Variants in KDM4C observed in about 807,000 individuals in gnomAD.
The protein encoded by KDM4C is lysine demethylase 4C, also known as lysine-specific demethylase 4C.
A neutral mutation model predicts 129.3 loss-of-function variants in KDM4C; 81 were observed. That is an observed-to-expected ratio of 0.63 (90% CI 0.52 to 0.75). The LOEUF is 0.75. KDM4C is among the 30% of genes least tolerant of loss of function. The pLI, the probability that KDM4C is intolerant of heterozygous loss-of-function variation, is 0.00. For missense variants in KDM4C, 1,457 were observed against 1,304.0 expected (o/e 1.12, Z -1.81); for synonymous variants, 573 against 456.1 (o/e 1.26, Z -3.26).
At chr9:6,842,349 C>T (rs1362106079) in intron 4 of KDM4C, among the ~76,000 whole-genome samples, 2 of 119,386 alleles carry the variant, frequency 1.7e-5, no homozygotes, top group Non-Finnish European at 3.2e-5. Context: ...CGGAGTCTTG[C>T]TCTGTCACCT....
At chr9:6,760,022 G>T (rs1819097645) in intron 1 of KDM4C, among the ~76,000 whole-genome samples, 1 of 151,250 alleles carries the variant, frequency 6.6e-6, no homozygotes, top group African/African-American at 2.4e-5. Flanking sequence ...ATAGTCTTGT[G>T]CAACCATCAC....
At chr9:7,035,754 A>G (rs1290502564) in intron 15 of KDM4C, among the ~76,000 whole-genome samples, 1 of 152,162 alleles carries the variant, frequency 6.6e-6, no homozygotes, top group Non-Finnish European at 1.5e-5. Context: ...TCAATTCCCT[A>G]ACGAGTGTTC....
intron 19 of KDM4C, among the ~76,000 whole-genome samples, chr9:7,160,324 C>G (rs955986396): frequency 5.0e-4 from 76 of 152,280 alleles, no homozygotes; most frequent in Middle Eastern, 3.4e-3. Context: ...CTTCTGAAGC[C>G]TATTCTGTCA....
At position 7,112,100 on chromosome 9, in the gene KDM4C, C is replaced by T. The variant is rs146068214; in HGVS notation, c.2610+8230C>T. Among the ~76,000 whole-genome samples, 32 of 152,024 alleles carry T rather than the reference C, an allele frequency of 2.1e-4. No homozygotes were observed. The East Asian group carries it at 6.0e-3, about 29-fold the overall frequency. On this transcript the variant is annotated intron_variant, in intron 18 of 21. Transcript: ENST00000381309. ...TCATGCTGAGATCAGGCAGGAGAGG[C>T]TATTATTTATCTTGTTTCAAGAGTT... is the stretch of plus-strand genomic sequence containing the variant.
At chr9:6,813,798 G>GT (rs943823632) in intron 3 of KDM4C, among the ~76,000 whole-genome samples, 3 of 152,050 alleles carry the variant, frequency 2.0e-5, no homozygotes, top group Non-Finnish European at 2.9e-5. Context: ...ACAATTACAG[G>GT]TTTTTTAAAC....
intron 8 of KDM4C, among the ~76,000 whole-genome samples, chr9:6,958,687 A>ATTTTTTTTTTTTTTT (rs377187050): frequency 1.9e-3 from 254 of 136,254 alleles, no homozygotes; most frequent in Non-Finnish European, 2.5e-3. Flanking sequence ...TCTTTATATG[A>ATTTTTTTTTTTTTTT]TTTTTTTTTT....
intron 17 of KDM4C, among the ~76,000 whole-genome samples, chr9:7,075,860 TG>T (rs1833850415): frequency 6.6e-6 from 1 of 152,050 alleles, no homozygotes; most frequent in African/African-American, 2.4e-5. Context: ...TCACCCAGGC[TG>T]GAGTGCAGTG....
intron 12 of KDM4C, among the ~76,000 whole-genome samples, chr9:7,004,467 AT>A (rs936269705): frequency 4.3e-4 from 65 of 152,282 alleles, no homozygotes; most frequent in Admixed American, 1.8e-3. Flanking sequence ...TTGTGCTCCC[AT>A]TTTTTATTGA....
In KDM4C at chr9:6,962,656, GA is replaced by G. The variant is rs1055964269; in HGVS notation, c.922-18260del. On this transcript the variant is annotated intron_variant, in intron 8 of 21. Coordinates refer to ENST00000381309, the MANE Select transcript of KDM4C (RefSeq NM_015061.6). ...TACATTTCTTTGTTCCATTAGTAGAGAAAAAAAAAGACATCAGCTGTAATGA... is the reference window on the plus strand; with the variant it reads ...TACATTTCTTTGTTCCATTAGTAGAGAAAAAAAAGACATCAGCTGTAATGA... Among the ~76,000 whole-genome samples, 13 of 150,442 alleles carry G rather than the reference GA, an allele frequency of 8.6e-5. No individual in the cohort carries two copies. The South Asian group carries it at 2.1e-3, about 24-fold the overall frequency.
At chr9:6,882,656 A>G (rs1844631744) in intron 6 of KDM4C, among the ~76,000 whole-genome samples, 1 of 152,192 alleles carries the variant, frequency 6.6e-6, no homozygotes, top group Admixed American at 6.5e-5. Flanking sequence ...TTAGATCCTT[A>G]TATTTACTTG....
chr9:6,990,604 T>C, intron 12 of KDM4C, 80 bp downstream of exon 12: 1 of 896,536 alleles, frequency 1.1e-6, no homozygotes, highest in Non-Finnish European at 1.7e-6. Context: ...AATTGCTGAA[T>C]AGAAAAAAAA....
intron 20 of KDM4C, among the ~76,000 whole-genome samples, chr9:7,166,468 G>A (rs970961801): frequency 8.1e-6 from 1 of 123,338 alleles, no homozygotes; most frequent in Admixed American, 8.0e-5. Flanking sequence ...ATGTGTGTCT[G>A]TGTGTGTAAA....
At chr9:6,933,536 T>C (rs1824148910) in intron 8 of KDM4C, among the ~76,000 whole-genome samples, 4 of 152,192 alleles carry the variant, frequency 2.6e-5, no homozygotes. Flanking sequence ...CTCTGCAAAA[T>C]TACTTTCAGG....
intron 15 of KDM4C, among the ~76,000 whole-genome samples, chr9:7,033,509 C>G (rs775090323): frequency 9.2e-5 from 14 of 152,106 alleles, no homozygotes; most frequent in African/African-American, 1.4e-4. Context: ...TCACTTTAAC[C>G]AAACAGAAGA....
intron 3 of KDM4C, among the ~76,000 whole-genome samples, chr9:6,808,914 C>G (rs770033214): frequency 6.6e-6 from 1 of 151,642 alleles, no homozygotes; most frequent in African/African-American, 2.4e-5. Context: ...AATTAAGGCC[C>G]CAGATGAAAG....
intron 17 of KDM4C, among the ~76,000 whole-genome samples, chr9:7,050,970 C>G (rs76703825): frequency 0.016 from 2,382 of 152,254 alleles, 73 homozygotes; most frequent in African/African-American, 0.054. Context: ...GGAACATTTC[C>G]TTCCTTAAGC....
At chr9:6,977,428 C>T (rs1449193416) in intron 8 of KDM4C, among the ~76,000 whole-genome samples, 4 of 152,122 alleles carry the variant, frequency 2.6e-5, no homozygotes, top group South Asian at 2.1e-4. Flanking sequence ...ATTCTTCAAT[C>T]CTGAGATTCA....
At chr9:6,976,601 A>G (rs1832966253) in intron 8 of KDM4C, among the ~76,000 whole-genome samples, 1 of 152,192 alleles carries the variant, frequency 6.6e-6, no homozygotes, top group Non-Finnish European at 1.5e-5. Context: ...GTTGGATAGA[A>G]TATAGAACAG....
At chr9:6,818,839 A>G (rs1463004440) in intron 4 of KDM4C, 1 of 152,190 alleles carries the variant, frequency 6.6e-6, no homozygotes, top group Non-Finnish European at 1.5e-5. Context: ...GTATTAGAGA[A>G]GTCATTATGC....
Sources: allele counts gnomAD v4.1 joint callset (sites outside exome capture counted in the v4.1 genomes callset), GRCh38; gene constraint gnomAD v4.1.1; transcripts MANE v1.5; gene names NCBI Gene and HGNC (gene_info 2026-07-23, HGNC 2026-07-21).